GPHN: variants seen among roughly 807,000 people sequenced by gnomAD.
The protein encoded by GPHN is gephyrin.
A neutral mutation model predicts 95.5 loss-of-function variants in GPHN; 17 were observed. The observed-to-expected ratio is 0.18, with a 90% confidence interval of 0.12 to 0.27. The LOEUF (loss-of-function observed/expected upper bound fraction) is 0.27. Ranked by LOEUF, GPHN falls within the 10% of genes least tolerant of loss-of-function variation. The pLI is 1.00. For missense variants in GPHN, 660 were observed against 978.1 expected, an observed-to-expected ratio of 0.67 and a Z score of 4.34; for synonymous variants, 320 against 322.5, an observed-to-expected ratio of 0.99 and a Z score of 0.08.
At chr14:66,847,814 G>C (rs74057850) in intron 4 of GPHN, among the ~76,000 whole-genome samples, 3,270 of 151,922 alleles carry the variant, frequency 0.022, 125 homozygotes, top group African/African-American at 0.074. Context: ...AACAGTAGCA[G>C]GCACTAATAA....
the GPHN span, chr14:67,199,314 G>A: frequency 1.3e-3 from 2,064 of 1,609,296 alleles, 23 homozygotes; most frequent in African/African-American, 0.018. Flanking sequence ...AAGCCAATAC[G>A]GGTGAACAAG....
At position 66,675,863 on chromosome 14, in the gene GPHN, T is replaced by C. The variant is rs377520075; in HGVS notation, c.65-5244T>C. On this transcript the variant is annotated intron_variant, in intron 1 of 22. Transcript: ENST00000478722. ...CACCATTTAGATATTTTATTCTTTT[T>C]AGCAGGTATTGACTGCAAATGGGCT... Among the ~76,000 whole-genome samples, 42 of 152,318 alleles carry C rather than the reference T, an allele frequency of 2.8e-4. No homozygotes were observed. In the East Asian group the frequency reaches 4.6e-3, roughly 17 times the overall value.
chr14:67,158,595 T>C (rs1446627660), intron 18 of GPHN, among the ~76,000 whole-genome samples: 2 of 152,234 alleles, frequency 1.3e-5, no homozygotes, highest in Non-Finnish European at 2.9e-5. Flanking sequence ...ATTTTTAGAT[T>C]AGTAAACCAA....
the GPHN span, chr14:67,271,626 T>G: frequency 6.6e-6 from 1 of 152,254 alleles, no homozygotes; most frequent in Non-Finnish European, 1.5e-5. Context: ...GAGGCTTTTC[T>G]CTTAAACATG....
At chr14:67,408,170 C>T in the GPHN span, among the ~76,000 whole-genome samples, 2 of 151,988 alleles carry the variant, frequency 1.3e-5, no homozygotes, top group African/African-American at 4.8e-5. Context: ...CCTGTAATCT[C>T]AGCTACTCAG....
At chr14:67,505,845 G>A in the GPHN span, among the ~76,000 whole-genome samples, 7 of 151,944 alleles carry the variant, frequency 4.6e-5, no homozygotes, top group East Asian at 5.8e-4. Context: ...GATTACAGGC[G>A]CCCGCCACCA....
At chr14:67,351,387 G>A in the GPHN span, among the ~76,000 whole-genome samples, 1 of 152,108 alleles carries the variant, frequency 6.6e-6, no homozygotes, top group African/African-American at 2.4e-5. Context: ...AGCAACAAAA[G>A]AAAATGTGGC....
intron 2 of GPHN, among the ~76,000 whole-genome samples, chr14:66,755,552 A>T (rs1425344963): frequency 6.6e-6 from 1 of 151,788 alleles, no homozygotes; most frequent in Non-Finnish European, 1.5e-5. Flanking sequence ...AACTACCATT[A>T]TTTTCTGGTG....
At chr14:67,686,669 G>A in the GPHN span, among the ~76,000 whole-genome samples, 473 of 148,130 alleles carry the variant, frequency 3.2e-3, 14 homozygotes, top group East Asian at 0.078. Context: ...AGTGCCTGAT[G>A]CATGGTAAGT....
the GPHN span, chr14:67,729,939 A>C: frequency 7.4e-6 from 3 of 404,558 alleles, no homozygotes; most frequent in South Asian, 5.6e-5. Context: ...CCATGACAGA[A>C]TCCAGCCCTG....
the GPHN span, among the ~76,000 whole-genome samples, chr14:67,655,028 CAAAAA>C: frequency 2.3e-5 from 1 of 43,504 alleles, no homozygotes; most frequent in Admixed American, 3.4e-4. Context: ...GACTCCATCT[CAAAAA>C]AAAAAAAAAA....
At chr14:67,402,673 G>A in the GPHN span, among the ~76,000 whole-genome samples, 1 of 152,158 alleles carries the variant, frequency 6.6e-6, no homozygotes, top group Admixed American at 6.5e-5. Context: ...GTGAGAACAT[G>A]TGACATTTGT....
At chr14:67,159,521 G>A in intron 19 of GPHN, 33 bp downstream of exon 19, 1 of 1,301,978 alleles carries the variant, frequency 7.7e-7, no homozygotes, top group Non-Finnish European at 1.1e-6. Flanking sequence ...TCATATATGG[G>A]GTTGGTTTGG....
chr14:67,424,672 C>G, the GPHN span, among the ~76,000 whole-genome samples: 1 of 151,530 alleles, frequency 6.6e-6, no homozygotes, highest in Admixed American at 6.6e-5. Context: ...TGGTCCCAGT[C>G]TCAGCATCCG....
At chr14:67,391,979 G>A in the GPHN span, among the ~76,000 whole-genome samples, 1 of 152,306 alleles carries the variant, frequency 6.6e-6, no homozygotes, top group East Asian at 1.9e-4. Context: ...GGAACAGAAG[G>A]CCAGCAAATG....
the GPHN span, chr14:67,200,704 T>C: frequency 1.3e-5 from 2 of 156,988 alleles, no homozygotes; most frequent in Non-Finnish European, 2.8e-5. Flanking sequence ...CTAGAACGCA[T>C]GTGACAAGTC....
the GPHN span, among the ~76,000 whole-genome samples, chr14:67,367,794 C>A: frequency 6.6e-6 from 1 of 151,656 alleles, no homozygotes; most frequent in Non-Finnish European, 1.5e-5. Flanking sequence ...CAAGATTGCA[C>A]CGCTGCACTC....
At chr14:66,686,819 G>A (rs1020320002) in intron 2 of GPHN, among the ~76,000 whole-genome samples, 2 of 152,148 alleles carry the variant, frequency 1.3e-5, no homozygotes, top group East Asian at 1.9e-4. Flanking sequence ...GGGCATCCCT[G>A]TCTTGTGCCA....
chr14:67,515,270 G>A, the GPHN span: 150 of 152,980 alleles, frequency 9.8e-4, 1 homozygote, highest in Non-Finnish European at 9.9e-4. Context: ...CCCCCGCGCC[G>A]AGTTGCGGGC....
Sources: gnomAD v4.1 joint callset for allele counts (sites outside exome capture counted in the v4.1 genomes callset) on GRCh38, gnomAD v4.1.1 for gene constraint, MANE v1.5 for transcripts, NCBI Gene and HGNC (gene_info 2026-07-23, HGNC 2026-07-21) for gene names.